Variants in PLEKHM1 observed in about 807,000 individuals in gnomAD.
PLEKHM1 encodes the protein pleckstrin homology and RUN domain containing M1.
A neutral mutation model predicts 94.3 loss-of-function variants in PLEKHM1; 28 were observed. That is an observed-to-expected ratio of 0.30 (90% CI 0.22 to 0.41). The LOEUF (loss-of-function observed/expected upper bound fraction) is 0.41, where lower values mean the gene tolerates loss of function less well. Among genes scored for constraint, PLEKHM1 ranks in the 10% least tolerant of loss-of-function variants. PLEKHM1 has a pLI of 1.00. For synonymous variants in PLEKHM1, 424 were observed against 581.2 expected (o/e 0.73, Z 3.89); for missense variants, 907 against 1,358.6 (o/e 0.67, Z 5.22).
chr17:45,483,837 G>A (rs1260731679), intron 1 of PLEKHM1, among the ~76,000 whole-genome samples: 1 of 152,114 alleles, frequency 6.6e-6, no homozygotes, highest in Non-Finnish European at 1.5e-5. Flanking sequence ...CCAGCCCCCA[G>A]GAGGAAGCCA....
At chr17:45,468,751 T>A (rs2051405625) in intron 4 of PLEKHM1, among the ~76,000 whole-genome samples, 158 bp from the exon 5 acceptor site, 1 of 152,206 alleles carries the variant, frequency 6.6e-6, no homozygotes, top group East Asian at 1.9e-4. Context: ...GCAGTCCTCC[T>A]CTGACACTCC....
intron 1 of PLEKHM1, among the ~76,000 whole-genome samples, chr17:45,483,316 C>G (rs941815984): frequency 3.3e-5 from 5 of 151,830 alleles, no homozygotes; most frequent in Admixed American, 6.6e-5. Flanking sequence ...CCACCTAAAC[C>G]TACAGACCAA....
chr17:45,468,545 G>A lies in PLEKHM1; in HGVS notation c.972C>T (p.Asn324=), dbSNP rs564130886. 40 of 1,614,180 alleles carry A rather than the reference G, an allele frequency of 2.5e-5. No individual in the cohort carries two copies. The highest frequency in any genetic ancestry group is 1.8e-4 in the Admixed American group (11 of 60,024). The change falls in exon 5 of 12, where the codon AAC becomes AAT. Residue 324 remains asparagine (N), a synonymous_variant. Transcript: ENST00000430334. The part of the protein sequence containing the change: ...SKAQVNSVPT[N]GLSQETEIPT... ...GGATCTCTGTTTCTTGGCTCAGTCC[G>A]TTGGTTGGCACAGAGTTTACCTGGG...
intron 1 of PLEKHM1, among the ~76,000 whole-genome samples, chr17:45,482,991 C>T (rs1166345512): frequency 1.3e-5 from 2 of 151,854 alleles, no homozygotes; most frequent in African/African-American, 4.8e-5. Flanking sequence ...CACCCTGCCC[C>T]CACCCCTCAC....
In PLEKHM1 at chr17:45,445,528, G is replaced by T; in HGVS notation, c.2779C>A (p.Leu927Ile). Residue 927 changes from leucine (L) to isoleucine (I), a missense_variant, in exon 9 of 12, where the codon CTC becomes ATC. Coordinates refer to ENST00000430334, the MANE Select transcript of PLEKHM1 (RefSeq NM_014798.3). This position sits in a 1 kb window ranked among gnomAD's most constrained non-coding sequence, Gnocchi z 4.2. The part of the protein sequence containing the change: ...LIGRRREQLK[L>I]LGDYLGLCRS... Reference sequence around the variant, plus strand: ...CACAGGCCCAGGTAATCCCCCAGGAGCTTCAGCTGCTCCCGTCTCCTCCCA... The same window carrying T: ...CACAGGCCCAGGTAATCCCCCAGGATCTTCAGCTGCTCCCGTCTCCTCCCA... 1 of 1,613,916 alleles carries T rather than the reference G, an allele frequency of 6.2e-7. No individual in the cohort carries two copies. The highest frequency in any genetic ancestry group is 8.5e-7 in the Non-Finnish European group (1 of 1,179,876).
At position 45,457,041 on chromosome 17, in the gene PLEKHM1, T is replaced by C. The variant is rs549222961; in HGVS notation, c.1579+1128A>G. On this transcript the variant is annotated intron_variant, in intron 6 of 11. Coordinates refer to ENST00000430334, the MANE Select transcript of PLEKHM1 (RefSeq NM_014798.3). ...ACTGGAAATACAAGAATCACCTGGG[T>C]GTGGCAGTGCATGTCTGTAATCCCA... Among the ~76,000 whole-genome samples the C allele has an allele frequency of 5.9e-5, 9 of 151,960 alleles. 1 individual carries two copies. The South Asian group carries it at 1.9e-3, about 32-fold the overall frequency.
rs765056104 is a variant in PLEKHM1, at chr17:45,453,771, A to C, written c.2081T>G (p.Met694Arg). The change falls in exon 7 of 12, where the codon ATG becomes AGG. Residue 694 changes from methionine to arginine, a missense_variant. Met to Arg is a moderately conservative substitution (Grantham distance 91, BLOSUM62 -1). Coordinates refer to ENST00000430334, the MANE Select transcript of PLEKHM1 (RefSeq NM_014798.3). This position sits in a 1 kb window ranked among gnomAD's most constrained non-coding sequence, Gnocchi z 4.1. ...AIKESLLYLYMDRTWMPYIFS... is the reference protein window; with the variant it reads ...AIKESLLYLYRDRTWMPYIFS... ...TATATAGGGCATCCAGGTCCTGTCCATGTACAAGTACAGCAGGGACTCCTT... is the reference window on the plus strand; with the variant it reads ...TATATAGGGCATCCAGGTCCTGTCCCTGTACAAGTACAGCAGGGACTCCTT... 1 of 1,613,972 alleles carries C rather than the reference A, an allele frequency of 6.2e-7. No homozygotes were observed. The highest frequency in any genetic ancestry group is 8.5e-7 in the Non-Finnish European group (1 of 1,179,862).
intron 5 of PLEKHM1, among the ~76,000 whole-genome samples, chr17:45,462,355 C>A (rs1272470087): frequency 3.3e-5 from 5 of 151,682 alleles, no homozygotes; most frequent in African/African-American, 1.2e-4. Context: ...AACTGGGGGA[C>A]CCCCCTGAGG....
At chr17:45,434,946 G>A (rs990998886), downstream of PLEKHM1, among the ~76,000 whole-genome samples, 3 of 139,164 alleles carry the variant, frequency 2.2e-5, no homozygotes, top group African/African-American at 8.1e-5. Context: ...TCCAGCCTGG[G>A]CATTGGAGTG....
intron 2 of PLEKHM1, 43 bp from the exon 3 acceptor site, chr17:45,478,190 C>T (rs1224775549): frequency 1.2e-6 from 2 of 1,613,596 alleles, no homozygotes; most frequent in South Asian, 1.1e-5. Flanking sequence ...GCGGAAAATC[C>T]TATGGAGAGT....
intron 6 of PLEKHM1, among the ~76,000 whole-genome samples, chr17:45,457,393 G>A (rs1415250635): frequency 6.6e-5 from 10 of 151,898 alleles, no homozygotes; most frequent in Middle Eastern, 3.4e-3. Context: ...GAGAAACCCC[G>A]TCTCTACTAA....
Position 45,458,330 on chromosome 17 carries a change from G to A in PLEKHM1, c.1418C>T (p.Ser473Leu). 1 of 1,613,936 alleles carries A rather than the reference G, an allele frequency of 6.2e-7. No homozygotes were observed. Among genetic ancestry groups the A allele is most frequent in the Non-Finnish European group, 8.5e-7 (1 of 1,179,832 alleles). ...PIASYRGTPG[S>L]RPGLHRHFSQ... ...AAAATGCCTGTGGAGACCAGGCCTTGACCCTGGAGTCCCCCTGTAAGAAGC... is the reference window on the plus strand; with the variant it reads ...AAAATGCCTGTGGAGACCAGGCCTTAACCCTGGAGTCCCCCTGTAAGAAGC... The change falls in exon 6 of 12, where the codon TCA (serine) becomes TTA (leucine). Residue 473 changes from serine to leucine, a missense_variant. Physicochemically the swap from Ser to Leu is moderately radical, Grantham distance 145. Around this residue, in one of 3 missense-constraint regions of PLEKHM1, gnomAD observed 477 missense variants for 601.5 expected, o/e 0.79. Transcript: ENST00000430334.
In PLEKHM1 at chr17:45,454,046, C is replaced by T. The variant is rs1434149757; in HGVS notation, c.1806G>A (p.Lys602=). ...CCTGGGAGGAGGCGCGCAGGGCCAGCTTCTTGCCAGAGAAGACCAGCTCAA... is the reference window on the plus strand; with the variant it reads ...CCTGGGAGGAGGCGCGCAGGGCCAGTTTCTTGCCAGAGAAGACCAGCTCAA... ...GRFELVFSGK[K]LALRASSQDE... is the part of the protein sequence containing the mutation. Residue 602 remains lysine (K), a synonymous_variant, in exon 7 of 12, where the codon AAG becomes AAA. Coordinates refer to ENST00000430334, the MANE Select transcript of PLEKHM1 (RefSeq NM_014798.3). 9.3e-6 allele frequency: 15 copies of T among 1,614,182 alleles called. No individual in the cohort carries two copies. The East Asian group carries it at 3.1e-4, about 34-fold the overall frequency.
At chr17:45,447,880 A>T (rs897317993) in intron 8 of PLEKHM1, 6 of 151,092 alleles carry the variant, frequency 4.0e-5, no homozygotes, top group Admixed American at 1.3e-4. Flanking sequence ...TCACCACAAT[A>T]TCCGCCTCCC....
chr17:45,474,572 T>C (rs1256482202), intron 4 of PLEKHM1, among the ~76,000 whole-genome samples: 3 of 152,274 alleles, frequency 2.0e-5, no homozygotes, highest in Non-Finnish European at 4.4e-5. Flanking sequence ...ACGTTTTAAA[T>C]GTACTCTGAC....
intron 7 of PLEKHM1, among the ~76,000 whole-genome samples, chr17:45,452,321 T>C (rs1079434): frequency 0.12 from 17,521 of 141,344 alleles, 1,404 homozygotes; most frequent in Middle Eastern, 0.2. Context: ...TGGTTGCTGA[T>C]ATCTGTAATC....
In PLEKHM1 at chr17:45,459,515, T is replaced by A. The variant is rs2051087103; in HGVS notation, c.1309-1076A>T. ...GTCTCGATCCACCACATTTGGCTTA[T>A]CCACTCCTCGGCTGATGGACATTTG... is the stretch of plus-strand genomic sequence containing the variant. On this transcript the variant is annotated intron_variant, in intron 5 of 11. Transcript: ENST00000430334. 3 of 151,626 alleles carry A rather than the reference T, an allele frequency of 2.0e-5. No individual in the cohort carries two copies. The South Asian group carries it at 6.3e-4, about 32-fold the overall frequency. 9.4% of individuals were successfully genotyped at this position (151,626 alleles called of 1,614,324 possible).
chr17:45,480,069 AT>A (rs1176470266), intron 2 of PLEKHM1, among the ~76,000 whole-genome samples: 3 of 152,238 alleles, frequency 2.0e-5, no homozygotes, highest in African/African-American at 7.2e-5. Context: ...ATTTGAAAAA[AT>A]ATAACGGTTT....
At chr17:45,467,250 A>C (rs1297374192) in intron 5 of PLEKHM1, among the ~76,000 whole-genome samples, 2 of 152,218 alleles carry the variant, frequency 1.3e-5, no homozygotes, top group Non-Finnish European at 2.9e-5. Context: ...CCCAGCCCCC[A>C]AATATTTTCA....
Sources: gnomAD v4.1 joint callset for allele counts (sites outside exome capture counted in the v4.1 genomes callset) on GRCh38, gnomAD v4.1.1 for gene constraint, gnomAD v4.1.1 regional missense constraint, Gnocchi (gnomAD v3.1) non-coding constraint, MANE v1.5 for transcripts, NCBI Gene and HGNC (gene_info 2026-07-23, HGNC 2026-07-21) for gene names.